DPP8: variants seen among roughly 807,000 people sequenced by gnomAD.
The protein encoded by DPP8 is dipeptidyl peptidase 8.
A neutral mutation model predicts 107.5 loss-of-function variants in DPP8; 31 were observed. That is an observed-to-expected ratio of 0.29 (90% CI 0.22 to 0.39). The LOEUF (loss-of-function observed/expected upper bound fraction) is 0.39, where lower values mean the gene tolerates loss of function less well. Ranked by LOEUF, DPP8 falls within the 10% of genes least tolerant of loss-of-function variation. The pLI is 1.00. For missense variants in DPP8, 842 were observed against 1,076.1 expected (o/e 0.78, Z 3.04); for synonymous variants, 381 against 356.6 (o/e 1.07, Z -0.77).
At chr15:65,466,565 G>A (rs2065371716) in intron 14 of DPP8, 113 bp downstream of exon 14, 3 of 926,872 alleles carry the variant, frequency 3.2e-6, no homozygotes, top group Non-Finnish European at 5.1e-6. Context: ...TCAGGGACAG[G>A]CAGTGGTGAG....
rs1345633726 is a variant in DPP8, at chr15:65,446,853, T to C, written c.*31A>G. ...CCTCCTCATTTGGTTAAATAGCCAGTGTATACCAGAGAGTTCTACACAGGT... is the reference window on the plus strand; with the variant it reads ...CCTCCTCATTTGGTTAAATAGCCAGCGTATACCAGAGAGTTCTACACAGGT... On this transcript the variant is annotated 3_prime_UTR_variant, in exon 20 of 20. Transcript: ENST00000300141. 1.3e-6 allele frequency: 2 copies of C among 1,582,894 alleles called. 1 individual carries two copies. Among genetic ancestry groups the C allele is most frequent in the South Asian group, 2.3e-5 (2 of 85,736 alleles).
chr15:65,487,645 G>T (rs1206339862), intron 7 of DPP8, 45 bp downstream of exon 7: 2 of 1,567,966 alleles, frequency 1.3e-6, no homozygotes, highest in Non-Finnish European at 1.7e-6. Flanking sequence ...AATCTTATTT[G>T]GAAAGAGGAA....
Position 65,481,586 on chromosome 15 carries a change from A to C in DPP8, c.1047T>G (p.Ile349Met), listed in dbSNP as rs1236681674. 1.9e-6 allele frequency: 3 copies of C among 1,581,848 alleles called. No homozygotes were observed. In the African/African-American group the frequency reaches 4.1e-5, roughly 22 times the overall value. ...CTTCAAATAGAATCTCAAAAGGTTG[A>C]ATTAGTTCCTTATCTATGACATCTA... Reference protein sequence around the residue: ...RIIDVIDKELIQPFEILFEGV... With the variant: ...RIIDVIDKELMQPFEILFEGV... Residue 349 changes from isoleucine to methionine, a missense_variant, in exon 9 of 20, where the codon ATT becomes ATG. Coordinates refer to ENST00000300141, the MANE Select transcript of DPP8 (RefSeq NM_130434.5).
chr15:65,447,605 C>T (rs1335943128), intron 19 of DPP8, among the ~76,000 whole-genome samples: 1 of 152,172 alleles, frequency 6.6e-6, no homozygotes, highest in East Asian at 1.9e-4. Flanking sequence ...TATAGGATGT[C>T]TCAAAGAAAA....
chr15:65,513,237 G>A (rs983937938), intron 1 of DPP8, among the ~76,000 whole-genome samples: 2 of 148,650 alleles, frequency 1.3e-5, no homozygotes, highest in East Asian at 2.0e-4. Flanking sequence ...TTTTTGAGAC[G>A]GAGTCTCGCT....
At chr15:65,468,901 G>A (rs2065599731) in intron 12 of DPP8, among the ~76,000 whole-genome samples, 1 of 152,100 alleles carries the variant, frequency 6.6e-6, no homozygotes, top group African/African-American at 2.4e-5. Flanking sequence ...TTGTGTGGGG[G>A]GCTTGTTAAA....
intron 4 of DPP8, among the ~76,000 whole-genome samples, chr15:65,499,379 C>A (rs569962460): frequency 8.6e-5 from 13 of 151,790 alleles, no homozygotes; most frequent in African/African-American, 3.1e-4. Flanking sequence ...ACTACAGGTG[C>A]GCCTGCCTAA....
chr15:65,501,222 T>G (rs1285068902), intron 3 of DPP8, among the ~76,000 whole-genome samples: 2 of 152,066 alleles, frequency 1.3e-5, no homozygotes, highest in African/African-American at 4.8e-5. Flanking sequence ...GAGCACAGTC[T>G]GCAGGTTAAG....
At position 65,480,330 on chromosome 15, in the gene DPP8, A is replaced by G. The variant is rs1213588652; in HGVS notation, c.1188T>C (p.Phe396=). Residue 396 remains phenylalanine (F), a synonymous_variant, in exon 10 of 20, where the codon TTT becomes TTC. Transcript: ENST00000300141. The part of the protein sequence containing the change: ...LQIVLISPEL[F]IPVEDDVMER... The stretch of plus-strand genomic sequence containing the variant: ...CCATAACATCATCTTCTACTGGGAT[A>G]AATAATTCAGGTGAGATCAACACTA... The G allele has an allele frequency of 6.2e-7, 1 of 1,612,906 alleles. No homozygotes were observed. The highest frequency in any genetic ancestry group is 8.5e-7 in the Non-Finnish European group (1 of 1,179,612).
intron 5 of DPP8, among the ~76,000 whole-genome samples, chr15:65,490,774 G>A (rs916667224): frequency 6.6e-6 from 1 of 152,088 alleles, no homozygotes; most frequent in African/African-American, 2.4e-5. Context: ...TTCAGTTGGA[G>A]CAGCTCAGCT....
intron 18 of DPP8, among the ~76,000 whole-genome samples, 156 bp downstream of exon 18, chr15:65,451,804 T>C (rs1024485773): frequency 6.6e-6 from 1 of 151,532 alleles, no homozygotes; most frequent in Non-Finnish European, 1.5e-5. Flanking sequence ...CACGTGCCTG[T>C]AAACCCAGCT....
chr15:65,508,197 A>G, intron 2 of DPP8, among the ~76,000 whole-genome samples: 1 of 151,916 alleles, frequency 6.6e-6, no homozygotes, highest in Non-Finnish European at 1.5e-5. Context: ...CCGAGATCAC[A>G]CCACTGCACT....
At chr15:65,477,980 A>C (rs2066557619) in intron 11 of DPP8, among the ~76,000 whole-genome samples, 1 of 152,176 alleles carries the variant, frequency 6.6e-6, no homozygotes, top group South Asian at 2.1e-4. Context: ...TTTTAGGAAA[A>C]CCCAGGAAAA....
At chr15:65,516,783 T>C (rs2071489497) in intron 1 of DPP8, 1 of 152,186 alleles carries the variant, frequency 6.6e-6, no homozygotes, top group African/African-American at 2.4e-5. Context: ...TCTCATTCTT[T>C]AGGGTCCACA....
intron 3 of DPP8, among the ~76,000 whole-genome samples, chr15:65,504,181 G>A: frequency 6.6e-6 from 1 of 151,562 alleles, no homozygotes; most frequent in Non-Finnish European, 1.5e-5. Flanking sequence ...TGACCAACAT[G>A]GAGAAACCCC....
rs1161598599 is a variant in DPP8, at chr15:65,444,874, G to C, written c.*2010C>G. 1 of 152,126 alleles carries C rather than the reference G, an allele frequency of 6.6e-6. No homozygotes were observed. Among genetic ancestry groups the C allele is most frequent in the Non-Finnish European group, 1.5e-5 (1 of 68,068 alleles). 9.4% of individuals were successfully genotyped at this position (152,126 alleles called of 1,614,324 possible). A position where few individuals can be genotyped will look rare whatever the true frequency, so the allele number is the denominator to read the frequency against. ...TATAAGGATAGATCCTTCGAGGCCA[G>C]TTAGTCCAAACAAAACAAAACAAAA... On this transcript the variant is annotated 3_prime_UTR_variant, in exon 20 of 20. Coordinates refer to ENST00000300141, the MANE Select transcript of DPP8 (RefSeq NM_130434.5).
chr15:65,490,925 CGAG>C (rs774725279), intron 5 of DPP8, among the ~76,000 whole-genome samples: 2 of 151,816 alleles, frequency 1.3e-5, no homozygotes, highest in South Asian at 2.1e-4. Flanking sequence ...TTTGGGAGGC[CGAG>C]GAGGACAGAT....
intron 16 of DPP8, among the ~76,000 whole-genome samples, chr15:65,454,972 A>C (rs1415030026): frequency 1.3e-5 from 2 of 152,058 alleles, no homozygotes; most frequent in Non-Finnish European, 2.9e-5. Flanking sequence ...TTAGTCATAA[A>C]GCTCCCTCCT....
chr15:65,453,414 A>G (rs1252736530), intron 17 of DPP8, among the ~76,000 whole-genome samples: 1 of 152,126 alleles, frequency 6.6e-6, no homozygotes, highest in Non-Finnish European at 1.5e-5. Context: ...AACATTATAC[A>G]TGTTTAAAAG....
Sources: gnomAD v4.1 joint callset for allele counts (sites outside exome capture counted in the v4.1 genomes callset) on GRCh38, gnomAD v4.1.1 for gene constraint, MANE v1.5 for transcripts, NCBI Gene and HGNC (gene_info 2026-07-23, HGNC 2026-07-21) for gene names.